The following SPRING1 variants were observed in gnomAD, a reference collection of about 807,000 sequenced individuals.
The protein encoded by SPRING1 is SREBP regulating gene protein.
SPRING1 carries 14 observed loss-of-function variants against 24.7 expected under a neutral mutation model. The observed-to-expected ratio is 0.57, with a 90% CI of 0.37 to 0.88. The LOEUF is 0.88. Ranked by LOEUF, SPRING1 falls within the 40% of genes least tolerant of loss-of-function variation. The pLI is 0.00. For missense variants in SPRING1, 255 were observed against 268.4 expected (o/e 0.95, Z 0.35); for synonymous variants, 93 against 106.1 (o/e 0.88, Z 0.76).
intron 1 of SPRING1, among the ~76,000 whole-genome samples, chr12:116,732,742 A>C (rs1185555692): frequency 2.0e-5 from 3 of 152,096 alleles, no homozygotes; most frequent in Non-Finnish European, 4.4e-5. Flanking sequence ...AAACAATAAA[A>C]ACCATGCAAG....
At chr12:116,725,270 C>T (rs1284402225) in intron 1 of SPRING1, among the ~76,000 whole-genome samples, 5 of 152,122 alleles carry the variant, frequency 3.3e-5, no homozygotes, top group African/African-American at 9.7e-5. Flanking sequence ...CATTCCGTCC[C>T]GCCCGGGCTG....
Position 116,717,707 on chromosome 12 carries a change from G to C in SPRING1, c.*103C>G. ...GCCAAGGTTTCCTCACGCTGCCTTT[G>C]TCTTCTTCCTGCAGCCTGGCCCGAT... On this transcript the variant is annotated 3_prime_UTR_variant, in exon 5 of 5. Coordinates refer to ENST00000261318, the MANE Select transcript of SPRING1 (RefSeq NM_024738.4). This position sits in a 1 kb window ranked among gnomAD's most constrained non-coding sequence, Gnocchi z 4.2. The C allele has an allele frequency of 1.9e-6, 2 of 1,069,302 alleles. No individual in the cohort carries two copies. The highest frequency in any genetic ancestry group is 5.5e-5 in the East Asian group (2 of 36,468). 66.2% of individuals were successfully genotyped at this position (1,069,302 alleles called of 1,614,324 possible).
rs547449210 is a variant in SPRING1 at position 116,712,465 on chromosome 12, C to A, written c.*5345G>T. The A allele has an allele frequency of 1.3e-5, 2 of 152,300 alleles. No homozygotes were observed. The highest frequency in any genetic ancestry group is 4.8e-5 in the African/African-American group (2 of 41,540). 9.4% of individuals were successfully genotyped at this position (152,300 alleles called of 1,614,324 possible). On this transcript the variant is annotated 3_prime_UTR_variant, in exon 5 of 5. Coordinates refer to ENST00000261318, the MANE Select transcript of SPRING1 (RefSeq NM_024738.4). Reference sequence around the variant, plus strand: ...GGATGCCTGTACACAAAACTGCACTCATGCTGTGATAACACGCAAAAGGTC... The same window carrying A: ...GGATGCCTGTACACAAAACTGCACTAATGCTGTGATAACACGCAAAAGGTC...
At chr12:116,736,995 T>C (rs1217843269) in intron 1 of SPRING1, among the ~76,000 whole-genome samples, 1 of 152,164 alleles carries the variant, frequency 6.6e-6, no homozygotes, top group African/African-American at 2.4e-5. Flanking sequence ...ACTGTAATAC[T>C]GGGAACCCCA....
intron 1 of SPRING1, among the ~76,000 whole-genome samples, chr12:116,724,318 C>T (rs1010813073): frequency 3.9e-5 from 6 of 152,134 alleles, no homozygotes; most frequent in African/African-American, 1.4e-4. Context: ...AAATATATGT[C>T]TACATACACT....
Position 116,729,177 on chromosome 12 carries a change from C to T in SPRING1, c.112-5954G>A, listed in dbSNP as rs73401316. The stretch of plus-strand genomic sequence containing the variant: ...CCTCGATGGAAGACAGCTGAATCTC[C>T]GAAGCGACCTCTATATTCAATATCT... On this transcript the variant is annotated intron_variant, in intron 1 of 4. Transcript: ENST00000261318. Among the ~76,000 whole-genome samples the T allele has an allele frequency of 7.4e-3, 1,125 of 152,242 alleles. 15 individuals are homozygous for T. Among genetic ancestry groups the T allele is most frequent in the African/African-American group, 0.026 (1,074 of 41,544 alleles).
intron 1 of SPRING1, among the ~76,000 whole-genome samples, chr12:116,736,576 ATATTT>A (rs1436610734): frequency 6.6e-6 from 1 of 152,220 alleles, no homozygotes; most frequent in African/African-American, 2.4e-5. Flanking sequence ...ATTCACTTAT[ATATTT>A]TATTTACACA....
chr12:116,730,230 AC>A (rs1016222343), intron 1 of SPRING1, among the ~76,000 whole-genome samples: 6 of 146,646 alleles, frequency 4.1e-5, no homozygotes, highest in African/African-American at 1.5e-4. Context: ...TTTTTTTGAG[AC>A]AGTCTTGCTC....
At chr12:116,724,245 G>C (rs1870574982) in intron 1 of SPRING1, among the ~76,000 whole-genome samples, 1 of 152,192 alleles carries the variant, frequency 6.6e-6, no homozygotes, top group Non-Finnish European at 1.5e-5. Context: ...AAATGGTAAA[G>C]ATCTTTATCG....
intron 1 of SPRING1, among the ~76,000 whole-genome samples, chr12:116,726,847 A>G (rs1402310401): frequency 6.6e-6 from 1 of 152,244 alleles, no homozygotes; most frequent in Non-Finnish European, 1.5e-5. Context: ...CTTCCAAAAG[A>G]AAACAAGAGT....
At position 116,715,641 on chromosome 12, in the gene SPRING1, C is replaced by T. The variant is rs1338757114; in HGVS notation, c.*2169G>A. The T allele has an allele frequency of 6.6e-6, 1 of 152,168 alleles. No homozygotes were observed. Among genetic ancestry groups the T allele is most frequent in the Non-Finnish European group, 1.5e-5 (1 of 68,064 alleles). 9.4% of individuals were successfully genotyped at this position (152,168 alleles called of 1,614,324 possible). ...CCTGGACAATTGAAATATATCTGCT[C>T]TCAGGGGAGACGCCCACGGTGTCAG... On this transcript the variant is annotated 3_prime_UTR_variant, in exon 5 of 5. Transcript: ENST00000261318.
chr12:116,718,899 T>A (rs1287205969), intron 4 of SPRING1, among the ~76,000 whole-genome samples: 1 of 152,134 alleles, frequency 6.6e-6, no homozygotes, highest in African/African-American at 2.4e-5. Flanking sequence ...CCTGAAACAT[T>A]TACCCAATGA....
Position 116,711,308 on chromosome 12 carries a change from C to T in SPRING1, c.*6502G>A, listed in dbSNP as rs575579641. The T allele has an allele frequency of 3.9e-5, 6 of 152,216 alleles. No homozygotes were observed. The highest frequency in any genetic ancestry group is 4.8e-5 in the African/African-American group (2 of 41,476). The allele number at this position is 152,216 out of a possible 1,614,324, so 9.4% of individuals were successfully genotyped here. Reference sequence around the variant, plus strand: ...CAGCACTTTGGGAGGCCGAGGTGGGCGGATCACGAGGTCAGGAGATCGAGA... The same window carrying T: ...CAGCACTTTGGGAGGCCGAGGTGGGTGGATCACGAGGTCAGGAGATCGAGA... On this transcript the variant is annotated 3_prime_UTR_variant, in exon 5 of 5. Coordinates refer to ENST00000261318, the MANE Select transcript of SPRING1 (RefSeq NM_024738.4).
intron 4 of SPRING1, among the ~76,000 whole-genome samples, chr12:116,718,426 A>C (rs770158772): frequency 6.6e-5 from 10 of 152,270 alleles, no homozygotes; most frequent in Non-Finnish European, 1.3e-4. Flanking sequence ...GCAGACAATC[A>C]TTCCTGATGG....
Position 116,720,290 on chromosome 12 carries a change from C to A in SPRING1, c.420+6G>T. 6.2e-7 allele frequency: 1 copy of A among 1,606,584 alleles called. No individual in the cohort carries two copies. The highest frequency in any genetic ancestry group is 1.1e-5 in the South Asian group (1 of 89,888). ...GAGCCGCAGAACCAGGATCAACTCCCCATACCTTGTTGGGCTGCAGGCAGC... is the reference window on the plus strand; with the variant it reads ...GAGCCGCAGAACCAGGATCAACTCCACATACCTTGTTGGGCTGCAGGCAGC... On this transcript the variant is annotated splice_donor_region_variant and intron_variant, in intron 3 of 4. Transcript: ENST00000261318. The surrounding 1 kb of genome is among the most constrained non-coding windows in gnomAD (Gnocchi z 4.0).
rs1426152756 is a variant in SPRING1, at chr12:116,711,264, T to G, written c.*6546A>C. On this transcript the variant is annotated 3_prime_UTR_variant, in exon 5 of 5. Coordinates refer to ENST00000261318, the MANE Select transcript of SPRING1 (RefSeq NM_024738.4). ...AATAGTGAGATGTGGCCAGGCGCGGTGGCTCACTCCTGTAATCCCAGCACT... is the reference window on the plus strand; with the variant it reads ...AATAGTGAGATGTGGCCAGGCGCGGGGGCTCACTCCTGTAATCCCAGCACT... The G allele has an allele frequency of 6.6e-6, 1 of 152,274 alleles. No individual in the cohort carries two copies. Among genetic ancestry groups the G allele is most frequent in the African/African-American group, 2.4e-5 (1 of 41,410 alleles). The allele number at this position is 152,274 out of a possible 1,614,324, so 9.4% of individuals were successfully genotyped here.
At position 116,712,945 on chromosome 12, in the gene SPRING1, A is replaced by G. The variant is rs1036001443; in HGVS notation, c.*4865T>C. On this transcript the variant is annotated 3_prime_UTR_variant, in exon 5 of 5. Transcript: ENST00000261318. ...TTAATCAGCAGCACTTCAGCAGGGT[A>G]GAAAGCAAGGGCGGGGAAAAATAAT... The G allele has an allele frequency of 1.3e-5, 2 of 152,788 alleles. No homozygotes were observed. The highest frequency in any genetic ancestry group is 1.3e-4 in the Admixed American group (2 of 15,292). 9.5% of individuals were successfully genotyped at this position (152,788 alleles called of 1,614,324 possible).
Position 116,720,457 on chromosome 12 carries a change from A to G in SPRING1, c.269-10T>C. The stretch of plus-strand genomic sequence containing the variant: ...CTCTCGCAAACGTAGCCTGAAAGTC[A>G]GAGACCAACCTTAGCATAAAACCAG... On this transcript the variant is annotated splice_polypyrimidine_tract_variant and intron_variant, in intron 2 of 4. Coordinates refer to ENST00000261318, the MANE Select transcript of SPRING1 (RefSeq NM_024738.4). This position sits in a 1 kb window ranked among gnomAD's most constrained non-coding sequence, Gnocchi z 4.0. 1 of 1,613,104 alleles carries G rather than the reference A, an allele frequency of 6.2e-7. No homozygotes were observed. The highest frequency in any genetic ancestry group is 8.5e-7 in the Non-Finnish European group (1 of 1,179,574).
In SPRING1 at chr12:116,717,975, C is replaced by T. The variant is rs566837850; in HGVS notation, c.535-82G>A. On this transcript the variant is annotated intron_variant, in intron 4 of 4. Coordinates refer to ENST00000261318, the MANE Select transcript of SPRING1 (RefSeq NM_024738.4). The surrounding 1 kb of genome is among the most constrained non-coding windows in gnomAD (Gnocchi z 4.2). The stretch of plus-strand genomic sequence containing the variant: ...CCCTCTCGGAAGAGTGAGAGTGGAT[C>T]GGGACTGTCAGACTCTCCCTGCAGG... 6.5e-5 allele frequency: 78 copies of T among 1,206,064 alleles called. No homozygotes were observed. The highest frequency in any genetic ancestry group is 9.3e-5 in the African/African-American group (6 of 64,812). 74.7% of individuals were successfully genotyped at this position (1,206,064 alleles called of 1,614,324 possible).
Sources: gnomAD v4.1 joint callset for allele counts (sites outside exome capture counted in the v4.1 genomes callset) on GRCh38, gnomAD v4.1.1 for gene constraint, Gnocchi (gnomAD v3.1) non-coding constraint, MANE v1.5 for transcripts, NCBI Gene and HGNC (gene_info 2026-07-23, HGNC 2026-07-21) for gene names.